Variants in NNMT observed in about 807,000 individuals in gnomAD.
NNMT encodes the protein nicotinamide N-methyltransferase.
Under a neutral mutation model 11.7 loss-of-function variants are expected in NNMT, and 10 were observed. That is an observed-to-expected ratio of 0.85 (90% CI 0.53 to 1.45). The LOEUF is 1.45. NNMT is among the 40% of genes most tolerant of loss of function. NNMT has a pLI of 0.00. For missense variants in NNMT, 381 were observed against 319.4 expected (o/e 1.19, Z -1.47); for synonymous variants, 143 against 133.8 (o/e 1.07, Z -0.48).
At chr11:114,280,429 G>T (rs1034233338) in intron 2 of NNMT, among the ~76,000 whole-genome samples, 1 of 152,148 alleles carries the variant, frequency 6.6e-6, no homozygotes, top group African/African-American at 2.4e-5. Flanking sequence ...CTCTCCAAAG[G>T]TGGAGCAGAG....
chr11:114,292,199 T>C (rs1297431420), upstream of NNMT, among the ~76,000 whole-genome samples: 2 of 152,236 alleles, frequency 1.3e-5, no homozygotes, highest in Non-Finnish European at 2.9e-5. Flanking sequence ...CTACTGCTAA[T>C]ATATACAAGG....
intron 2 of NNMT, among the ~76,000 whole-genome samples, chr11:114,304,277 T>C (rs187193375): frequency 1.8e-3 from 279 of 152,326 alleles, no homozygotes; most frequent in African/African-American, 6.5e-3. Context: ...GTTCTCACTT[T>C]CTGTATCCAC....
At chr11:114,307,847 C>T (rs760686209) in intron 2 of NNMT, among the ~76,000 whole-genome samples, 103 of 151,798 alleles carry the variant, frequency 6.8e-4, no homozygotes, top group Non-Finnish European at 1.3e-3. Context: ...TCTGCTTGCC[C>T]GACTCCTTTT....
chr11:114,271,508 A>C (rs187906808), intron 2 of NNMT, among the ~76,000 whole-genome samples: 13 of 152,274 alleles, frequency 8.5e-5, no homozygotes, highest in Non-Finnish European at 1.8e-4. Context: ...ACTTATCCCC[A>C]CTACATGTGT....
At chr11:114,263,527 C>T (rs1945099471) in intron 2 of NNMT, among the ~76,000 whole-genome samples, 1 of 152,188 alleles carries the variant, frequency 6.6e-6, no homozygotes, top group Admixed American at 6.5e-5. Context: ...TTACAAAACT[C>T]TTTCCCACCT....
intron 2 of NNMT, among the ~76,000 whole-genome samples, chr11:114,272,460 C>T (rs1360421026): frequency 1.3e-5 from 2 of 152,182 alleles, no homozygotes; most frequent in Admixed American, 1.3e-4. Context: ...AGGTAACTGA[C>T]AGACACGTTG....
intron 2 of NNMT, among the ~76,000 whole-genome samples, chr11:114,271,283 A>G (rs550658946): frequency 7.7e-4 from 117 of 152,314 alleles, no homozygotes; most frequent in Middle Eastern, 3.4e-3. Flanking sequence ...GCAACCTTTT[A>G]AAATCTGTGA....
chr11:114,283,259 AT>A (rs1258635026), intron 2 of NNMT, among the ~76,000 whole-genome samples: 1 of 152,196 alleles, frequency 6.6e-6, no homozygotes, highest in Non-Finnish European at 1.5e-5. Flanking sequence ...GTTGGAAACA[AT>A]CTGGGTATCT....
At chr11:114,284,913 G>A (rs1945287027) in intron 2 of NNMT, among the ~76,000 whole-genome samples, 1 of 151,818 alleles carries the variant, frequency 6.6e-6, no homozygotes, top group Non-Finnish European at 1.5e-5. Flanking sequence ...GGGATTACAG[G>A]TGCATACCAC....
At chr11:114,281,724 A>G (rs182074480) in intron 2 of NNMT, among the ~76,000 whole-genome samples, 100 of 152,302 alleles carry the variant, frequency 6.6e-4, no homozygotes, top group Non-Finnish European at 5.3e-4. Context: ...CAGCCAGTTG[A>G]AAGGGCTTCT....
At chr11:114,308,362 A>C (rs548192566) in intron 2 of NNMT, among the ~76,000 whole-genome samples, 2 of 152,254 alleles carry the variant, frequency 1.3e-5, no homozygotes, top group South Asian at 4.2e-4. Flanking sequence ...ACAATGAAAA[A>C]CAGCTTGTCA....
At chr11:114,306,519 T>G (rs1332308453) in intron 2 of NNMT, among the ~76,000 whole-genome samples, 4 of 152,186 alleles carry the variant, frequency 2.6e-5, no homozygotes, top group Admixed American at 2.0e-4. Context: ...TTGAATTAAT[T>G]TTTGCATAAG....
rs553568304 is a variant in NNMT, at chr11:114,270,805, C to T, written c.-130+7871C>T. Among the ~76,000 whole-genome samples the T allele has an allele frequency of 3.9e-4, 58 of 149,140 alleles. No homozygotes were observed. In the East Asian group the frequency reaches 8.8e-3, roughly 23 times the overall value. ...TTGTTTAGTTCTTTTTTTTTTTTCT[C>T]GCTTTGTTGCCCAGGCTGGAGTGCA... is the stretch of plus-strand genomic sequence containing the variant. On this transcript the variant is annotated intron_variant, in intron 2 of 4. Transcript: ENST00000535401.
intron 2 of NNMT, among the ~76,000 whole-genome samples, chr11:114,288,690 A>G (rs962076783): frequency 1.3e-5 from 2 of 152,084 alleles, no homozygotes; most frequent in East Asian, 3.9e-4. Flanking sequence ...TTGTGCCTTG[A>G]TTTTCTCATA....
intron 1 of NNMT, among the ~76,000 whole-genome samples, chr11:114,296,970 C>G (rs192055141): frequency 9.9e-4 from 151 of 152,256 alleles, no homozygotes; most frequent in African/African-American, 3.2e-3. Context: ...ATTTGCTAGG[C>G]GACTTGAGGG....
At chr11:114,278,972 C>T (rs1429322291) in intron 2 of NNMT, among the ~76,000 whole-genome samples, 2 of 152,178 alleles carry the variant, frequency 1.3e-5, no homozygotes, top group African/African-American at 4.8e-5. Flanking sequence ...GACTGGGTTG[C>T]CTGGTGCTCC....
chr11:114,309,048 CTGTTG>C (rs1286795630), intron 2 of NNMT, among the ~76,000 whole-genome samples: 1 of 152,174 alleles, frequency 6.6e-6, no homozygotes, highest in Admixed American at 6.5e-5. Flanking sequence ...CGTTCTGCTT[CTGTTG>C]GAATCAAACA....
Position 114,296,573 on chromosome 11 carries a change from C to T in NNMT, c.17C>T (p.Thr6Ile), listed in dbSNP as rs753671666. The change falls in exon 1 of 3, where the codon ACC becomes ATC. Residue 6 changes from threonine to isoleucine, a missense_variant. Thr to Ile is a moderately conservative substitution (Grantham distance 89, BLOSUM62 -1). Transcript: ENST00000299964. ...TGAGACATAATGGAATCAGGCTTCA[C>T]CTCCAAGGACACCTATCTAAGCCAT... MESGF[T>I]SKDTYLSHFN... 6.2e-7 allele frequency: 1 copy of T among 1,614,006 alleles called. No homozygotes were observed.
At chr11:114,262,773 C>G (rs1945093496) in intron 1 of NNMT, 1 of 152,216 alleles carries the variant, frequency 6.6e-6, no homozygotes, top group African/African-American at 2.4e-5. Flanking sequence ...AACACATACC[C>G]CTGGCTCCCT....
Sources: gnomAD v4.1 joint callset for allele counts (sites outside exome capture counted in the v4.1 genomes callset) on GRCh38, gnomAD v4.1.1 for gene constraint, MANE v1.5 for transcripts, NCBI Gene and HGNC (gene_info 2026-07-23, HGNC 2026-07-21) for gene names.